KLHL14: variants seen among roughly 807,000 people sequenced by gnomAD.
KLHL14 encodes the protein kelch like family member 14, also known as kelch-like protein 14.
KLHL14 carries 22 observed loss-of-function variants against 64.3 expected under a neutral mutation model. The ratio of observed to expected loss-of-function variants is 0.34; its 90% CI spans 0.24 to 0.49. The LOEUF (loss-of-function observed/expected upper bound fraction) is 0.49. Ranked by LOEUF, KLHL14 falls within the 20% of genes least tolerant of loss-of-function variation. The pLI is 0.99. For synonymous variants in KLHL14, 322 were observed against 333.4 expected (o/e 0.97, Z 0.37); for missense variants, 661 against 789.0 (o/e 0.84, Z 1.94).
intron 3 of KLHL14, among the ~76,000 whole-genome samples, chr18:32,729,329 G>A (rs907373207): frequency 2.0e-5 from 3 of 151,986 alleles, no homozygotes; most frequent in Non-Finnish European, 4.4e-5. Context: ...GCCACAGGGG[G>A]TTACTTAAAT....
chr18:32,681,022 C>G (rs1212853139), intron 5 of KLHL14, among the ~76,000 whole-genome samples: 2 of 152,074 alleles, frequency 1.3e-5, no homozygotes, highest in African/African-American at 4.8e-5. Context: ...CTTCAAGGGT[C>G]ATTGTTCCCA....
intron 3 of KLHL14, among the ~76,000 whole-genome samples, chr18:32,700,609 T>G (rs2049961254): frequency 6.6e-6 from 1 of 152,208 alleles, no homozygotes; most frequent in South Asian, 2.1e-4. Flanking sequence ...CATTCTTTCT[T>G]TCTCCATTAA....
intron 4 of KLHL14, among the ~76,000 whole-genome samples, chr18:32,693,413 CAGAGAGAGAGAGAG>C (rs56135629): frequency 7.2e-5 from 7 of 97,036 alleles, no homozygotes; most frequent in Non-Finnish European, 1.2e-4. Flanking sequence ...CACACACACA[CAGAGAGAGAGAGAG>C]AGAGAGAGAG....
intron 2 of KLHL14, among the ~76,000 whole-genome samples, chr18:32,758,215 T>C (rs1456590171): frequency 6.6e-6 from 1 of 152,052 alleles, no homozygotes; most frequent in Non-Finnish European, 1.5e-5. Context: ...CTCAAACTCC[T>C]GGGTTCAAGC....
intron 3 of KLHL14, among the ~76,000 whole-genome samples, chr18:32,713,995 T>C (rs2050032756): frequency 6.6e-6 from 1 of 152,118 alleles, no homozygotes; most frequent in South Asian, 2.1e-4. Context: ...AATAAACATA[T>C]TTTTGCATGT....
At chr18:32,763,754 C>T (rs1296089927) in intron 2 of KLHL14, among the ~76,000 whole-genome samples, 1 of 152,166 alleles carries the variant, frequency 6.6e-6, no homozygotes, top group Non-Finnish European at 1.5e-5. Context: ...TCACACTATA[C>T]TGCACCAACC....
rs955572001 is a variant in KLHL14, at chr18:32,702,528, A to G, written c.1070-6976T>C. Among the ~76,000 whole-genome samples, 6 of 151,980 alleles carry G rather than the reference A, an allele frequency of 3.9e-5. No individual in the cohort carries two copies. In the East Asian group the frequency reaches 1.2e-3, roughly 29 times the overall value. On this transcript the variant is annotated intron_variant, in intron 3 of 8. Transcript: ENST00000359358. The stretch of plus-strand genomic sequence containing the variant: ...AGTAAAACATTTTACATATTTACAC[A>G]TTTTACACATTAGGAAGGGCTTGAT...
chr18:32,686,782 G>A (rs1396371236), intron 5 of KLHL14, among the ~76,000 whole-genome samples: 2 of 151,918 alleles, frequency 1.3e-5, no homozygotes, highest in Non-Finnish European at 2.9e-5. Context: ...GTATTGAAAT[G>A]TCTGTACCAA....
intron 3 of KLHL14, among the ~76,000 whole-genome samples, chr18:32,726,680 A>G (rs1454570238): frequency 6.6e-6 from 1 of 152,120 alleles, no homozygotes; most frequent in Admixed American, 6.5e-5. Flanking sequence ...TTTTTCTCAA[A>G]AGAAAAAATT....
intron 7 of KLHL14, among the ~76,000 whole-genome samples, chr18:32,679,750 A>G (rs1216463132): frequency 1.3e-5 from 2 of 152,202 alleles, no homozygotes; most frequent in Non-Finnish European, 2.9e-5. Flanking sequence ...CTTTAAAAAA[A>G]TCACATATTA....
chr18:32,713,175 A>T (rs1469344610), intron 3 of KLHL14, among the ~76,000 whole-genome samples: 3 of 152,206 alleles, frequency 2.0e-5, no homozygotes, highest in Non-Finnish European at 4.4e-5. Context: ...TGCAAAGCCT[A>T]AAATATCTAC....
At chr18:32,715,556 C>T (rs1248888271) in intron 3 of KLHL14, among the ~76,000 whole-genome samples, 1 of 151,750 alleles carries the variant, frequency 6.6e-6, no homozygotes, top group African/African-American at 2.4e-5. Flanking sequence ...ATTGAATTCA[C>T]TTTTTTATAT....
chr18:32,694,350 C>T (rs1027741612), intron 4 of KLHL14, among the ~76,000 whole-genome samples: 3 of 152,126 alleles, frequency 2.0e-5, no homozygotes, highest in African/African-American at 4.8e-5. Context: ...ATGCATTGTG[C>T]GCATGTCAGG....
chr18:32,698,576 A>C (rs2049947702), intron 3 of KLHL14, among the ~76,000 whole-genome samples: 1 of 152,184 alleles, frequency 6.6e-6, no homozygotes, highest in African/African-American at 2.4e-5. Context: ...CATGACTGTC[A>C]TCTAAACCCA....
chr18:32,755,524 A>G (rs1297538988), intron 2 of KLHL14, among the ~76,000 whole-genome samples: 3 of 152,168 alleles, frequency 2.0e-5, no homozygotes, highest in African/African-American at 7.2e-5. Flanking sequence ...TCAATTAATG[A>G]AATTTCTTTT....
intron 4 of KLHL14, among the ~76,000 whole-genome samples, chr18:32,691,284 CTTG>C (rs949806896): frequency 9.8e-5 from 15 of 152,286 alleles, no homozygotes; most frequent in African/African-American, 3.1e-4. Context: ...ATGTTCACTT[CTTG>C]TTGTAATGGT....
In KLHL14 at chr18:32,680,869, G is replaced by GCT. The variant is rs146546783; in HGVS notation, c.1239-271_1239-270insAG. Among the ~76,000 whole-genome samples the GCT allele has an allele frequency of 0.037, 5,655 of 152,116 alleles. 352 individuals are homozygous for GCT. Among genetic ancestry groups the GCT allele is most frequent in the African/African-American group, 0.13 (5,313 of 41,498 alleles). ...TCTTTGTTTCAGCCCTTGTTATCTT[G>GCT]TTTTATACACTGTTAAGTGTTCATT... On this transcript the variant is annotated intron_variant, in intron 5 of 8. Coordinates refer to ENST00000359358, the MANE Select transcript of KLHL14 (RefSeq NM_020805.3). The surrounding 1 kb of genome is among the most constrained non-coding windows in gnomAD (Gnocchi z 4.8).
At chr18:32,682,923 G>A (rs2049849929) in intron 5 of KLHL14, among the ~76,000 whole-genome samples, 1 of 152,076 alleles carries the variant, frequency 6.6e-6, no homozygotes, top group Non-Finnish European at 1.5e-5. Flanking sequence ...TTTCACTAAT[G>A]GGCCATCTTT....
At chr18:32,706,364 T>A (rs147338047) in intron 3 of KLHL14, among the ~76,000 whole-genome samples, 69 of 152,330 alleles carry the variant, frequency 4.5e-4, no homozygotes, top group African/African-American at 1.6e-3. Flanking sequence ...CAATCTTGAT[T>A]GCTGGGAAAA....
Sources: allele counts gnomAD v4.1 joint callset (sites outside exome capture counted in the v4.1 genomes callset), GRCh38; gene constraint gnomAD v4.1.1; non-coding constraint Gnocchi (gnomAD v3.1); transcripts MANE v1.5; gene names NCBI Gene and HGNC (gene_info 2026-07-23, HGNC 2026-07-21).